Variants in CFAP36 observed in about 807,000 individuals in gnomAD.
CFAP36 encodes cilia- and flagella-associated protein 36.
CFAP36 carries 37 observed loss-of-function variants against 50.5 expected under a neutral mutation model. The ratio of observed to expected loss-of-function variants is 0.73; its 90% CI spans 0.56 to 0.96. CFAP36 has a LOEUF of 0.96. CFAP36 is among the 50% of genes least tolerant of loss of function. CFAP36 has a pLI of 0.00. For missense variants in CFAP36, 407 were observed against 396.2 expected, an observed-to-expected ratio of 1.03 and a Z score of -0.23; for synonymous variants, 138 against 128.2, an observed-to-expected ratio of 1.08 and a Z score of -0.52.
At chr2:55,522,691 T>A (rs561924694) in intron 2 of CFAP36, among the ~76,000 whole-genome samples, 2 of 152,192 alleles carry the variant, frequency 1.3e-5, no homozygotes, top group South Asian at 4.2e-4. Flanking sequence ...TCTCTGTGTT[T>A]CCCAGGCTGG....
At chr2:55,542,643 T>A (rs935322854) in intron 7 of CFAP36, among the ~76,000 whole-genome samples, 10 of 152,216 alleles carry the variant, frequency 6.6e-5, no homozygotes, top group African/African-American at 2.4e-4. Context: ...ATGTTCATAA[T>A]TAACAAACCC....
chr2:55,519,722 C>T lies in CFAP36; in HGVS notation c.-80C>T, dbSNP rs1197199745. The T allele has an allele frequency of 2.9e-6, 4 of 1,397,780 alleles. No homozygotes were observed. Among genetic ancestry groups the T allele is most frequent in the African/African-American group, 1.4e-5 (1 of 70,586 alleles). The allele number at this position is 1,397,780 out of a possible 1,614,324, so 86.6% of individuals were successfully genotyped here. A position where few individuals can be genotyped will look rare whatever the true frequency, so the allele number is the denominator to read the frequency against. ...GGCCAGCTCTTCCCCTACTCCCTCT[C>T]GGCTCCTTGTGGCCCAAAGGCCTAA... On this transcript the variant is annotated 5_prime_UTR_variant, in exon 1 of 10. Coordinates refer to ENST00000349456, the MANE Select transcript of CFAP36 (RefSeq NM_080667.7).
intron 7 of CFAP36, among the ~76,000 whole-genome samples, chr2:55,543,162 G>C (rs536131260): frequency 1.4e-4 from 22 of 151,840 alleles, no homozygotes; most frequent in African/African-American, 5.3e-4. Flanking sequence ...TTAGATCTTA[G>C]CATCATTTTA....
chr2:55,526,162 C>G (rs1161685715), intron 3 of CFAP36, among the ~76,000 whole-genome samples: 1 of 152,234 alleles, frequency 6.6e-6, no homozygotes, highest in Non-Finnish European at 1.5e-5. Context: ...ATTTTTGTTA[C>G]TCTGCCTTGA....
intron 6 of CFAP36, chr2:55,536,002 T>C: frequency 1.4e-6 from 1 of 708,824 alleles, no homozygotes; most frequent in Non-Finnish European, 2.0e-6. Context: ...CACCACATAG[T>C]ACTAATTAAT....
intron 1 of CFAP36, among the ~76,000 whole-genome samples, chr2:55,521,464 A>C (rs2103628910): frequency 6.6e-6 from 1 of 152,230 alleles, no homozygotes; most frequent in East Asian, 1.9e-4. Flanking sequence ...CAATAATATT[A>C]CATTAAAAGT....
At chr2:55,534,832 A>T (rs17736159) in intron 5 of CFAP36, among the ~76,000 whole-genome samples, 6,574 of 152,210 alleles carry the variant, frequency 0.043, 175 homozygotes, top group South Asian at 0.076. Flanking sequence ...GGATCAGAGG[A>T]TGGGCCTGAT....
intron 3 of CFAP36, among the ~76,000 whole-genome samples, chr2:55,525,056 A>G (rs1684169840): frequency 6.6e-6 from 1 of 152,156 alleles, no homozygotes; most frequent in Non-Finnish European, 1.5e-5. Context: ...CCACAGCTAA[A>G]TAAGTAGTAG....
intron 7 of CFAP36, among the ~76,000 whole-genome samples, chr2:55,543,189 C>T (rs1405797900): frequency 6.6e-6 from 1 of 152,012 alleles, no homozygotes; most frequent in African/African-American, 2.4e-5. Flanking sequence ...TTGCTTGTCT[C>T]AGTGTGCTTT....
intron 7 of CFAP36, among the ~76,000 whole-genome samples, chr2:55,538,109 G>C (rs1684540209): frequency 6.6e-6 from 1 of 151,886 alleles, no homozygotes; most frequent in Non-Finnish European, 1.5e-5. Context: ...TTCAACATGT[G>C]GCAAATCTAT....
chr2:55,536,594 G>T (rs539987760), intron 6 of CFAP36, among the ~76,000 whole-genome samples: 1 of 151,936 alleles, frequency 6.6e-6, no homozygotes, highest in African/African-American at 2.4e-5. Flanking sequence ...GGGATTACAG[G>T]CGTGTACCAC....
intron 1 of CFAP36, chr2:55,520,564 C>G: frequency 1.0e-6 from 1 of 998,966 alleles, no homozygotes; most frequent in South Asian, 2.0e-5. Flanking sequence ...ATAGATATGG[C>G]ATAATATTCC....
chr2:55,519,998 T>C, intron 1 of CFAP36, 82 bp downstream of exon 1: 1 of 1,267,592 alleles, frequency 7.9e-7, no homozygotes, highest in Non-Finnish European at 1.1e-6. Context: ...CCACAAGCCA[T>C]CTCTCGTCTC....
chr2:55,520,749 G>A (rs1290658476), intron 1 of CFAP36, among the ~76,000 whole-genome samples: 1 of 152,164 alleles, frequency 6.6e-6, no homozygotes, highest in Non-Finnish European at 1.5e-5. Context: ...TTTGAGGGTA[G>A]TAGTATTCAT....
intron 3 of CFAP36, among the ~76,000 whole-genome samples, chr2:55,525,038 T>C (rs1684169035): frequency 6.6e-6 from 1 of 151,214 alleles, no homozygotes; most frequent in Non-Finnish European, 1.5e-5. Context: ...AAGCAAATAG[T>C]CCAAAGTCCA....
Position 55,519,801 on chromosome 2 carries a change from G to T in CFAP36, c.-1G>T. 6.2e-7 allele frequency: 1 copy of T among 1,614,226 alleles called. No individual in the cohort carries two copies. Among genetic ancestry groups the T allele is most frequent in the Non-Finnish European group, 8.5e-7 (1 of 1,180,024 alleles). On this transcript the variant is annotated 5_prime_UTR_variant, in exon 1 of 10. Transcript: ENST00000349456. The stretch of plus-strand genomic sequence containing the variant: ...CTTCCCCGTTGCCCCTTTGGGGCGG[G>T]ATGGCTGCGGAAGAAGAAGACGAGG...
chr2:55,520,824 C>T (rs779280192), intron 1 of CFAP36, among the ~76,000 whole-genome samples: 4 of 152,144 alleles, frequency 2.6e-5, no homozygotes, highest in Non-Finnish European at 5.9e-5. Context: ...TCAGTTGGTA[C>T]AAGCTACAGG....
At chr2:55,534,045 C>A in intron 5 of CFAP36, 85 bp downstream of exon 5, 1 of 671,130 alleles carries the variant, frequency 1.5e-6, no homozygotes, top group Non-Finnish European at 2.4e-6. Flanking sequence ...CAAATATGAA[C>A]TAATAAAATT....
At chr2:55,531,783 A>T (rs1247794291) in intron 4 of CFAP36, among the ~76,000 whole-genome samples, 1 of 152,174 alleles carries the variant, frequency 6.6e-6, no homozygotes, top group African/African-American at 2.4e-5. Context: ...ACCATCTGGC[A>T]AGGGGAATGA....
Sources: gnomAD v4.1 joint callset for allele counts (sites outside exome capture counted in the v4.1 genomes callset) on GRCh38, gnomAD v4.1.1 for gene constraint, MANE v1.5 for transcripts, NCBI Gene and HGNC (gene_info 2026-07-23, HGNC 2026-07-21) for gene names.